Variants in FTO observed in about 807,000 individuals in gnomAD.
FTO encodes the protein alpha-ketoglutarate-dependent dioxygenase FTO.
A neutral mutation model predicts 63.9 loss-of-function variants in FTO; 47 were observed. The ratio of observed to expected loss-of-function variants is 0.74; its 90% confidence interval spans 0.58 to 0.94. The LOEUF is 0.94. Among genes scored for constraint, FTO ranks in the 40% least tolerant of loss-of-function variants. The pLI is 0.00. For synonymous variants in FTO, 207 were observed against 224.4 expected (o/e 0.92, Z 0.69); for missense variants, 562 against 618.1 (o/e 0.91, Z 0.96).
rs1281243757 is a variant in FTO, at chr16:53,844,662, G to A, written c.895+364G>A. On this transcript the variant is annotated intron_variant, in intron 4 of 8. Transcript: ENST00000471389. ...TTTTAGTAGAGATGGGTTTCACCAC[G>A]TTGGCCAAGCTGGTCTCAAACTCCT... Among the ~76,000 whole-genome samples, 10 of 152,160 alleles carry A rather than the reference G, an allele frequency of 6.6e-5. 2 individuals carry two copies. Among genetic ancestry groups the A allele is most frequent in the Admixed American group, 3.3e-4 (5 of 15,276 alleles).
intron 8 of FTO, among the ~76,000 whole-genome samples, chr16:53,960,440 T>C (rs532026963): frequency 6.6e-6 from 1 of 152,338 alleles, no homozygotes; most frequent in South Asian, 2.1e-4. Context: ...TGGCAGCCCC[T>C]GAAGGAGGGA....
At chr16:53,727,994 TGCTTTGGGGGGCTG>T (rs1466908786) in intron 1 of FTO, among the ~76,000 whole-genome samples, 2 of 152,092 alleles carry the variant, frequency 1.3e-5, no homozygotes, top group African/African-American at 2.4e-5. Flanking sequence ...GTAATTCCAG[TGCTTTGGGGGGCTG>T]AGGTGGGAGG....
intron 1 of FTO, among the ~76,000 whole-genome samples, chr16:53,780,559 G>T (rs543402774): frequency 6.6e-6 from 1 of 152,004 alleles, no homozygotes; most frequent in Non-Finnish European, 1.5e-5. Context: ...CTGTAGAGAC[G>T]GGGTTTTGCC....
At chr16:53,756,478 CTCTT>C (rs2076927571) in intron 1 of FTO, among the ~76,000 whole-genome samples, 1 of 152,194 alleles carries the variant, frequency 6.6e-6, no homozygotes, top group Admixed American at 6.5e-5. Context: ...TTTTGCCTGA[CTCTT>C]TGGTTTCCGG....
chr16:54,041,178 G>T (rs1202336470), intron 8 of FTO, among the ~76,000 whole-genome samples: 1 of 152,126 alleles, frequency 6.6e-6, no homozygotes. Flanking sequence ...AAGGAAAGAG[G>T]TTTAACTGAG....
chr16:53,835,640 A>G (rs1472371155), intron 3 of FTO, among the ~76,000 whole-genome samples: 2 of 151,720 alleles, frequency 1.3e-5, no homozygotes, highest in African/African-American at 2.4e-5. Flanking sequence ...TCACAGTGAT[A>G]TTTTTCACTC....
rs577600693 is a variant in FTO, at chr16:54,053,102, A to C, written c.1365-58660A>C. Among the ~76,000 whole-genome samples, 16 of 152,350 alleles carry C rather than the reference A, an allele frequency of 1.1e-4. No homozygotes were observed. The South Asian group carries it at 3.1e-3, about 30-fold the overall frequency. ...TAACAACAGTATATTTTGCTGTAGC[A>C]GATTTTACAGAGATGAAACCATCTT... is the stretch of plus-strand genomic sequence containing the variant. On this transcript the variant is annotated intron_variant, in intron 8 of 8. Coordinates refer to ENST00000471389, the MANE Select transcript of FTO (RefSeq NM_001080432.3).
intron 8 of FTO, among the ~76,000 whole-genome samples, chr16:54,012,007 T>A (rs2084345668): frequency 6.6e-6 from 1 of 152,122 alleles, no homozygotes; most frequent in African/African-American, 2.4e-5. Context: ...AAAGGAAGAG[T>A]TGCACATCTC....
intron 1 of FTO, among the ~76,000 whole-genome samples, chr16:53,797,039 A>G (rs1387618940): frequency 6.6e-6 from 1 of 152,222 alleles, no homozygotes; most frequent in Non-Finnish European, 1.5e-5. Context: ...TCAATCAAAC[A>G]GTATGTGCTT....
chr16:54,073,900 G>A (rs1372037706), intron 8 of FTO, among the ~76,000 whole-genome samples: 1 of 152,056 alleles, frequency 6.6e-6, no homozygotes, highest in African/African-American at 2.4e-5. Flanking sequence ...ATTCAGGGCC[G>A]ATTTGTGTTT....
In FTO at chr16:53,941,154, C is replaced by T. The variant is rs190227857; in HGVS notation, c.1364+7045C>T. The stretch of plus-strand genomic sequence containing the variant: ...GCTAGTCACGGATTATATGCAAAAC[C>T]GACAAGTCGGCACCGTCCAGTTTAG... On this transcript the variant is annotated intron_variant, in intron 8 of 8. Coordinates refer to ENST00000471389, the MANE Select transcript of FTO (RefSeq NM_001080432.3). Among the ~76,000 whole-genome samples the T allele has an allele frequency of 5.9e-5, 9 of 152,282 alleles. No individual in the cohort carries two copies. In the East Asian group the frequency reaches 9.6e-4, roughly 16 times the overall value.
chr16:53,920,829 T>C (rs1343530480), intron 7 of FTO, among the ~76,000 whole-genome samples: 9 of 152,176 alleles, frequency 5.9e-5, no homozygotes, highest in Admixed American at 5.9e-4. Context: ...TTGTTCTTAT[T>C]GCCACTCTGG....
chr16:53,965,701 C>A (rs940528648), intron 8 of FTO: 1 of 152,260 alleles, frequency 6.6e-6, no homozygotes, highest in East Asian at 1.9e-4. Context: ...CTCATTCTCT[C>A]TTTTCTCTCT....
intron 8 of FTO, among the ~76,000 whole-genome samples, chr16:53,961,081 C>G (rs757769854): frequency 1.8e-4 from 28 of 152,056 alleles, no homozygotes; most frequent in Non-Finnish European, 2.6e-4. Context: ...CTACATTGCT[C>G]CAGTTCACCT....
intron 8 of FTO, among the ~76,000 whole-genome samples, chr16:54,060,690 G>C (rs2085548289): frequency 6.6e-6 from 1 of 152,108 alleles, no homozygotes; most frequent in Non-Finnish European, 1.5e-5. Flanking sequence ...AAATCAGATC[G>C]GCTCATTTGT....
chr16:54,083,393 T>C (rs1349405612), intron 8 of FTO, among the ~76,000 whole-genome samples: 1 of 152,198 alleles, frequency 6.6e-6, no homozygotes. Context: ...TCTCATTATG[T>C]TGTCTTTAAA....
chr16:53,829,946 C>T (rs781227529), intron 3 of FTO, among the ~76,000 whole-genome samples: 2 of 151,496 alleles, frequency 1.3e-5, no homozygotes, highest in Non-Finnish European at 2.9e-5. Context: ...GTGTTCCTTG[C>T]CACTGGAGAG....
intron 8 of FTO, among the ~76,000 whole-genome samples, chr16:53,988,691 T>C (rs544654616): frequency 5.9e-5 from 9 of 152,294 alleles, no homozygotes; most frequent in Non-Finnish European, 1.2e-4. Flanking sequence ...GGTGAAGAAA[T>C]TGAAGTCTAG....
chr16:54,105,883 A>T (rs1010737649), intron 8 of FTO, among the ~76,000 whole-genome samples: 4 of 151,782 alleles, frequency 2.6e-5, no homozygotes, highest in Non-Finnish European at 4.4e-5. Context: ...TTATCATTTC[A>T]TCAAGAGTAA....
Sources: gnomAD v4.1 joint callset for allele counts (sites outside exome capture counted in the v4.1 genomes callset) on GRCh38, gnomAD v4.1.1 for gene constraint, MANE v1.5 for transcripts, NCBI Gene and HGNC (gene_info 2026-07-23, HGNC 2026-07-21) for gene names.